The following KLHL1 variants were observed in gnomAD, a reference collection of about 807,000 sequenced individuals.
KLHL1 encodes kelch like family member 1, also known as kelch-like protein 1.
In KLHL1, 47 loss-of-function variants were observed where a neutral mutation model predicts 77.7. The ratio of observed to expected loss-of-function variants is 0.60; its 90% confidence interval spans 0.48 to 0.77. The LOEUF is 0.77. Among genes scored for constraint, KLHL1 ranks in the 30% least tolerant of loss-of-function variants. KLHL1 has a pLI of 0.00. For missense variants in KLHL1, 925 were observed against 910.8 expected, an observed-to-expected ratio of 1.02 and a Z score of -0.20; for synonymous variants, 360 against 325.2, an observed-to-expected ratio of 1.11 and a Z score of -1.15.
intron 1 of KLHL1, among the ~76,000 whole-genome samples, chr13:70,061,366 T>C (rs1886880716): frequency 6.7e-6 from 1 of 149,250 alleles, no homozygotes; most frequent in African/African-American, 2.5e-5. Flanking sequence ...ACTAGTAACA[T>C]GAGGTTTCTA....
intron 3 of KLHL1, among the ~76,000 whole-genome samples, chr13:69,954,035 T>G (rs1356348849): frequency 6.6e-6 from 1 of 151,264 alleles, no homozygotes; most frequent in Non-Finnish European, 1.5e-5. Flanking sequence ...TAAGACTTCA[T>G]AAAGTTAAGT....
intron 1 of KLHL1, among the ~76,000 whole-genome samples, chr13:70,089,452 T>C (rs539060239): frequency 6.4e-4 from 98 of 152,154 alleles, no homozygotes; most frequent in Non-Finnish European, 1.1e-3. Context: ...TTGGCCAACA[T>C]ATCCAATTTA....
rs989032538 is a variant in KLHL1 at position 69,940,141 on chromosome 13, G to A, written c.913C>T (p.Leu305Phe). 5 of 1,612,834 alleles carry A rather than the reference G, an allele frequency of 3.1e-6. No individual in the cohort carries two copies. The highest frequency in any genetic ancestry group is 2.2e-5 in the South Asian group (2 of 90,970). The change falls in exon 4 of 11, where the codon CTC becomes TTC. Residue 305 changes from leucine (L) to phenylalanine (F), a missense_variant. Coordinates refer to ENST00000377844, the MANE Select transcript of KLHL1 (RefSeq NM_020866.3). ...TTAGATGGATGCAAAAGCTTCATGA[G>A]GAAGTGGCAGCACACTTCCACCACC... is the stretch of plus-strand genomic sequence containing the variant. ...PQVVEVCCHF[L>F]MKLLHPSNCL...
rs558172250 is a variant in KLHL1 at position 70,085,812 on chromosome 13, C to T, written c.497+21391G>A. Among the ~76,000 whole-genome samples, 12 of 152,110 alleles carry T rather than the reference C, an allele frequency of 7.9e-5. No homozygotes were observed. In the South Asian group the frequency reaches 8.3e-4, roughly 11 times the overall value. On this transcript the variant is annotated intron_variant, in intron 1 of 10. Coordinates refer to ENST00000377844, the MANE Select transcript of KLHL1 (RefSeq NM_020866.3). ...CTGGGAGGCAGAGGTTGCAGTGAGC[C>T]GAGATCGCACCACTGCACTCCAGCG...
At chr13:69,780,733 C>CATATATATATATATATAT (rs1217018845) in intron 7 of KLHL1, among the ~76,000 whole-genome samples, 14 of 42,100 alleles carry the variant, frequency 3.3e-4, no homozygotes, top group Non-Finnish European at 5.9e-4. Flanking sequence ...TATATATATA[C>CATATATATATATATATAT]ATATATATAT....
intron 4 of KLHL1, among the ~76,000 whole-genome samples, chr13:69,909,165 AAGAG>A (rs983613063): frequency 2.0e-5 from 3 of 151,004 alleles, no homozygotes; most frequent in Non-Finnish European, 4.4e-5. Context: ...TCAAGACAGA[AAGAG>A]AGAGAGAGAA....
intron 6 of KLHL1, among the ~76,000 whole-genome samples, chr13:69,806,573 C>A (rs1013550323): frequency 6.6e-6 from 1 of 152,146 alleles, no homozygotes; most frequent in African/African-American, 2.4e-5. Context: ...CAGCTGGAAA[C>A]CAACTGAGAC....
chr13:69,785,157 G>A (rs79451663), intron 7 of KLHL1, among the ~76,000 whole-genome samples: 36,963 of 151,766 alleles, frequency 0.24, 4,611 homozygotes, highest in South Asian at 0.34. Flanking sequence ...CTCCCAAAGT[G>A]CTGGGATTAC....
At chr13:69,984,226 TTC>T (rs747606522) in intron 1 of KLHL1, among the ~76,000 whole-genome samples, 23 of 152,222 alleles carry the variant, frequency 1.5e-4, no homozygotes, top group Admixed American at 3.9e-4. Flanking sequence ...TTGGTAAGGT[TTC>T]TCTTTTAATA....
At chr13:69,715,295 G>T (rs1876066740) in intron 9 of KLHL1, among the ~76,000 whole-genome samples, 1 of 152,062 alleles carries the variant, frequency 6.6e-6, no homozygotes, top group South Asian at 2.1e-4. Context: ...GATAATGGGG[G>T]TGGTTTCCCC....
At chr13:69,927,733 T>C (rs1181994950) in intron 4 of KLHL1, among the ~76,000 whole-genome samples, 1 of 152,144 alleles carries the variant, frequency 6.6e-6, no homozygotes, top group Non-Finnish European at 1.5e-5. Context: ...ATGGCTATAA[T>C]CAATAAAAAA....
chr13:69,706,533 T>C (rs1358603294), intron 10 of KLHL1, among the ~76,000 whole-genome samples: 1 of 151,936 alleles, frequency 6.6e-6, no homozygotes, highest in Non-Finnish European at 1.5e-5. Context: ...TTAGATAAAT[T>C]GTAGTCAATT....
At chr13:69,764,547 C>T (rs1204462629) in intron 7 of KLHL1, among the ~76,000 whole-genome samples, 1 of 151,844 alleles carries the variant, frequency 6.6e-6, no homozygotes, top group African/African-American at 2.4e-5. Flanking sequence ...AAAAATGGCA[C>T]AAAGAAAAAA....
At chr13:69,788,175 G>T (rs1876662241) in intron 7 of KLHL1, among the ~76,000 whole-genome samples, 1 of 152,202 alleles carries the variant, frequency 6.6e-6, no homozygotes, top group Admixed American at 6.5e-5. Context: ...ATACCCAAAG[G>T]ATTATAAATC....
At chr13:69,985,348 G>T (rs1156685143) in intron 1 of KLHL1, among the ~76,000 whole-genome samples, 1 of 151,850 alleles carries the variant, frequency 6.6e-6, no homozygotes, top group East Asian at 1.9e-4. Context: ...CTCAATAGAA[G>T]ACATACAAAT....
At chr13:69,710,260 C>T (rs9572241) in intron 9 of KLHL1, among the ~76,000 whole-genome samples, 115,401 of 151,450 alleles carry the variant, frequency 0.76, 44,966 homozygotes, top group East Asian at 0.99. Flanking sequence ...TTAAAAAATA[C>T]TAACCTGCAA....
intron 7 of KLHL1, among the ~76,000 whole-genome samples, chr13:69,753,719 C>T (rs79376068): frequency 0.01 from 1,551 of 152,252 alleles, 19 homozygotes; most frequent in African/African-American, 0.035. Flanking sequence ...AATTGTCCTA[C>T]TTGAAGATTA....
At chr13:69,977,393 G>C (rs540281592) in intron 1 of KLHL1, among the ~76,000 whole-genome samples, 1 of 151,998 alleles carries the variant, frequency 6.6e-6, no homozygotes, top group Non-Finnish European at 1.5e-5. Context: ...AGATTTTGAT[G>C]TGCAAAATTA....
intron 6 of KLHL1, among the ~76,000 whole-genome samples, chr13:69,822,002 A>G (rs1268126560): frequency 2.0e-5 from 3 of 152,074 alleles, no homozygotes; most frequent in African/African-American, 4.8e-5. Context: ...GTTTGAGACC[A>G]GCCTGGCCAA....
Sources: allele counts gnomAD v4.1 joint callset (sites outside exome capture counted in the v4.1 genomes callset), GRCh38; gene constraint gnomAD v4.1.1; transcripts MANE v1.5; gene names NCBI Gene and HGNC (gene_info 2026-07-23, HGNC 2026-07-21).